The following WDR86 variants were observed in gnomAD, a reference collection of about 807,000 sequenced individuals.
WDR86 encodes WD repeat domain 86, also known as WD repeat-containing protein 86.
A neutral mutation model predicts 36.5 loss-of-function variants in WDR86; 30 were observed. The observed-to-expected ratio is 0.82, with a 90% confidence interval of 0.61 to 1.11. The LOEUF is 1.11. Among genes scored for constraint, WDR86 ranks in the 50% most tolerant of loss-of-function variants. WDR86 has a pLI of 0.00. For missense variants in WDR86, 545 were observed against 561.2 expected (o/e 0.97, Z 0.29); for synonymous variants, 255 against 252.9 (o/e 1.01, Z -0.08).
Position 151,385,151 on chromosome 7 carries a change from A to G in WDR86, c.799T>C (p.Cys267Arg), listed in dbSNP as rs751889902. ...VKCWLADTGE[C>R]VRTFTAHRRN... The stretch of plus-strand genomic sequence containing the variant: ...CTGTGGGCCGTGAACGTGCGCACAC[A>G]CTCCCCTGTGTCTGCCAGCCAGCAC... Residue 267 changes from cysteine to arginine, a missense_variant, in exon 4 of 6, where the codon TGT (cysteine) becomes CGT (arginine). Transcript: ENST00000334493. 8.7e-6 allele frequency: 14 copies of G among 1,612,518 alleles called. No homozygotes were observed. In the Admixed American group the frequency reaches 2.3e-4, roughly 27 times the overall value.
chr7:151,390,366 G>A lies in WDR86; in HGVS notation c.727-5143C>T, dbSNP rs1343804359. Among the ~76,000 whole-genome samples the A allele has an allele frequency of 1.3e-5, 2 of 152,164 alleles. No homozygotes were observed. Among genetic ancestry groups the A allele is most frequent in the African/African-American group, 4.8e-5 (2 of 41,420 alleles). On this transcript the variant is annotated intron_variant, in intron 3 of 5. Coordinates refer to ENST00000334493, the MANE Select transcript of WDR86 (RefSeq NM_198285.3). The surrounding 1 kb of genome is among the most constrained non-coding windows in gnomAD (Gnocchi z 4.5). ...TCCCCACTTGGCAGATTGTGAAAAAGGAGTCCCCCCAACCCCCACAGTCAG... is the reference window on the plus strand; with the variant it reads ...TCCCCACTTGGCAGATTGTGAAAAAAGAGTCCCCCCAACCCCCACAGTCAG...
chr7:151,402,070 A>AAAAAAAAAATATAT lies in WDR86; in HGVS notation c.164-1830_164-1829insATATATTTTTTTTT. ...CTCAAAAAAAAAAAAAAAAAAAAAA[A>AAAAAAAAAATATAT]ATATATATATATATATATATATCTC... On this transcript the variant is annotated intron_variant, in intron 1 of 5. Transcript: ENST00000334493. Among the ~76,000 whole-genome samples the AAAAAAAAAATATAT allele has an allele frequency of 4.2e-4, 21 of 50,520 alleles. 1 individual carries two copies. The highest frequency in any genetic ancestry group is 2.1e-3 in the African/African-American group (18 of 8,480). The allele number at this position is 50,520 out of a possible 152,430, so 33.1% of individuals were successfully genotyped here. A position where few individuals can be genotyped will look rare whatever the true frequency, so the allele number is the denominator to read the frequency against.
At chr7:151,376,576 C>T (rs57382814), downstream of WDR86, 1,393 of 1,490,352 alleles carry the variant, frequency 9.3e-4, 39 homozygotes, top group East Asian at 0.027. Flanking sequence ...GTATGGCTGA[C>T]GGGGGTGGCA....
intron 1 of WDR86, among the ~76,000 whole-genome samples, chr7:151,407,927 A>G (rs1356271963): frequency 3.3e-5 from 5 of 152,212 alleles, no homozygotes; most frequent in African/African-American, 1.2e-4. Context: ...GGGGATCTGC[A>G]TTTCTGAAAC....
In WDR86 at chr7:151,381,756, C is replaced by CCGTATCATTAAAA; in HGVS notation, c.967-11_967-10insTTTTAATGATACG. 6.7e-7 allele frequency: 1 copy of CCGTATCATTAAAA among 1,492,560 alleles called. No homozygotes were observed. The highest frequency in any genetic ancestry group is 1.3e-5 in the South Asian group (1 of 75,294). The allele number at this position is 1,492,560 out of a possible 1,614,324, so 92.5% of individuals were successfully genotyped here. On this transcript the variant is annotated splice_polypyrimidine_tract_variant and intron_variant, in intron 5 of 5. Coordinates refer to ENST00000334493, the MANE Select transcript of WDR86 (RefSeq NM_198285.3). The surrounding 1 kb of genome is among the most constrained non-coding windows in gnomAD (Gnocchi z 4.8). ...GCACCTGGCCGTGCACCTGCGGGCG[C>CCGTATCATTAAAA]AGGGGCGGGCGTCACCGGTGACGCG...
intron 3 of WDR86, 177 bp from the exon 4 acceptor site, chr7:151,385,400 CGG>C: frequency 8.6e-7 from 1 of 1,159,614 alleles, no homozygotes; most frequent in Non-Finnish European, 1.2e-6. Context: ...CAAAAGCAGG[CGG>C]CTGCTCCTGC....
chr7:151,403,788 T>G (rs1439779843), intron 1 of WDR86, among the ~76,000 whole-genome samples: 1 of 152,222 alleles, frequency 6.6e-6, no homozygotes, highest in Non-Finnish European at 1.5e-5. Flanking sequence ...AAACTTTCCC[T>G]GGGAACAGAT....
intron 3 of WDR86, among the ~76,000 whole-genome samples, chr7:151,389,736 C>A (rs78520148): frequency 6.6e-6 from 1 of 152,104 alleles, no homozygotes; most frequent in Non-Finnish European, 1.5e-5. Context: ...AGGAGAAGGA[C>A]GCCTGGAAGT....
intron 3 of WDR86, among the ~76,000 whole-genome samples, chr7:151,394,584 G>A (rs1365131861): frequency 6.6e-6 from 1 of 152,232 alleles, no homozygotes; most frequent in Non-Finnish European, 1.5e-5. Flanking sequence ...CCCAGCATGG[G>A]GGATCACACC....
At chr7:151,398,157 A>G (rs1281867403) in intron 2 of WDR86, among the ~76,000 whole-genome samples, 1 of 152,092 alleles carries the variant, frequency 6.6e-6, no homozygotes, top group East Asian at 1.9e-4. Context: ...TGTTGTGTGC[A>G]CAATGTGTGC....
At chr7:151,383,492 A>C (rs1798757165) in intron 4 of WDR86, among the ~76,000 whole-genome samples, 1 of 130,042 alleles carries the variant, frequency 7.7e-6, no homozygotes, top group Non-Finnish European at 1.7e-5. Flanking sequence ...AAAAAAAAAA[A>C]TGTTTGTAGA....
intron 3 of WDR86, among the ~76,000 whole-genome samples, chr7:151,388,000 G>A (rs1799114394): frequency 6.6e-6 from 1 of 152,258 alleles, no homozygotes; most frequent in Non-Finnish European, 1.5e-5. Context: ...TGCGCCACAC[G>A]CAGCCCAGGG....
downstream of WDR86, chr7:151,377,413 T>G: frequency 2.1e-6 from 1 of 467,698 alleles, no homozygotes; most frequent in Non-Finnish European, 3.8e-6. Flanking sequence ...GGAAGAAGCT[T>G]CCTCTGGCCT....
rs778283285 is a variant in WDR86, at chr7:151,395,995, G to A, written c.507C>T (p.Gly169=). The part of the protein sequence containing the change: ...EAAAGGLLVT[G]STDGTAKVWQ... Reference sequence around the variant, plus strand: ...ACACCTTGGCTGTGCCATCTGTGCTGCCGGTCACCAGAAGCCCCCCGGCCG... The same window carrying A: ...ACACCTTGGCTGTGCCATCTGTGCTACCGGTCACCAGAAGCCCCCCGGCCG... Residue 169 remains glycine, a synonymous_variant, in exon 3 of 6, where the codon GGC becomes GGT. Coordinates refer to ENST00000334493, the MANE Select transcript of WDR86 (RefSeq NM_198285.3). 6.5e-5 allele frequency: 104 copies of A among 1,599,752 alleles called. No individual in the cohort carries two copies. Among genetic ancestry groups the A allele is most frequent in the Non-Finnish European group, 8.7e-5 (102 of 1,174,582 alleles).
At chr7:151,410,669 G>T (rs1298419060), upstream of WDR86, 7 of 152,342 alleles carry the variant, frequency 4.6e-5, no homozygotes, top group Admixed American at 2.0e-4. Context: ...CTCCCGGAGC[G>T]CCCGGCGGCT....
At chr7:151,376,742 C>T, downstream of WDR86, 1 of 1,600,628 alleles carries the variant, frequency 6.2e-7, no homozygotes, top group Non-Finnish European at 8.5e-7. Context: ...AGGAAGCCTG[C>T]CTCCCGAGCT....
chr7:151,391,188 G>A (rs1015653078), intron 3 of WDR86, among the ~76,000 whole-genome samples: 1 of 152,248 alleles, frequency 6.6e-6, no homozygotes, highest in Non-Finnish European at 1.5e-5. Flanking sequence ...AAGGCAGGAG[G>A]GAGAACTGAC....
Position 151,409,366 on chromosome 7 carries a change from T to A in WDR86, c.163+61A>T. On this transcript the variant is annotated intron_variant, in intron 1 of 5. Transcript: ENST00000334493. The surrounding 1 kb of genome is among the most constrained non-coding windows in gnomAD (Gnocchi z 5.2). The stretch of plus-strand genomic sequence containing the variant: ...GGGTCTGCGGGCGCAGGAGCTGGGG[T>A]CCGCGGTCTGGGGCCGGTGAGCTGC... 8.4e-6 allele frequency: 13 copies of A among 1,541,484 alleles called. No homozygotes were observed. The highest frequency in any genetic ancestry group is 1.1e-5 in the Non-Finnish European group (13 of 1,141,448).
At chr7:151,385,709 T>C (rs1397538375) in intron 3 of WDR86, among the ~76,000 whole-genome samples, 1 of 152,046 alleles carries the variant, frequency 6.6e-6, no homozygotes, top group Non-Finnish European at 1.5e-5. Context: ...CCGGGGACTG[T>C]CACGGGGTCA....
Sources: allele counts gnomAD v4.1 joint callset (sites outside exome capture counted in the v4.1 genomes callset), GRCh38; gene constraint gnomAD v4.1.1; non-coding constraint Gnocchi (gnomAD v3.1); transcripts MANE v1.5; gene names NCBI Gene and HGNC (gene_info 2026-07-23, HGNC 2026-07-21).